EYA2: variants seen among roughly 807,000 people sequenced by gnomAD.
EYA2 encodes the protein protein phosphatase EYA2.
In EYA2, 31 loss-of-function variants were observed where a neutral mutation model predicts 69.2. That is an observed-to-expected ratio of 0.45 (90% CI 0.34 to 0.60). The LOEUF is 0.60. Among genes scored for constraint, EYA2 ranks in the 20% least tolerant of loss-of-function variants. EYA2 has a pLI of 0.02. For missense variants in EYA2, 622 were observed against 701.2 expected (o/e 0.89, Z 1.28); for synonymous variants, 257 against 279.4 (o/e 0.92, Z 0.80).
At chr20:47,142,064 G>T (rs112352839) in intron 9 of EYA2, among the ~76,000 whole-genome samples, 1 of 152,140 alleles carries the variant, frequency 6.6e-6, no homozygotes, top group Non-Finnish European at 1.5e-5. Flanking sequence ...ATGTGTCAGC[G>T]GCTGGATGGT....
intron 10 of EYA2, among the ~76,000 whole-genome samples, chr20:47,158,777 G>T (rs1324758701): frequency 6.6e-6 from 1 of 151,826 alleles, no homozygotes; most frequent in Non-Finnish European, 1.5e-5. Context: ...GAGGAACACA[G>T]GATCCAACTG....
At chr20:46,918,687 T>G (rs1985041685) in intron 1 of EYA2, among the ~76,000 whole-genome samples, 1 of 152,184 alleles carries the variant, frequency 6.6e-6, no homozygotes, top group Admixed American at 6.5e-5. Flanking sequence ...AGAATCAACT[T>G]CTTCCAAACT....
At chr20:46,987,964 C>CTCTCTCTCTCTCTATATATATATATATA (rs1555809797) in intron 1 of EYA2, among the ~76,000 whole-genome samples, 1 of 11,282 alleles carries the variant, frequency 8.9e-5, no homozygotes, top group Non-Finnish European at 1.7e-4. Context: ...CTCTCTCTCT[C>CTCTCTCTCTCTCTATATATATATATATA]TATATATATA....
At position 46,973,798 on chromosome 20, in the gene EYA2, GA is replaced by G. The variant is rs11428493; in HGVS notation, c.-10-16191del. Among the ~76,000 whole-genome samples, 367 of 140,184 alleles carry G rather than the reference GA, an allele frequency of 2.6e-3. 3 individuals are homozygous for G. Among genetic ancestry groups the G allele is most frequent in the Middle Eastern group, 0.011 (3 of 272 alleles). The allele number at this position is 140,184 out of a possible 152,430, so 92.0% of individuals were successfully genotyped here. A position where few individuals can be genotyped will look rare whatever the true frequency, so the allele number is the denominator to read the frequency against. On this transcript the variant is annotated intron_variant, in intron 1 of 15. Coordinates refer to ENST00000327619, the MANE Select transcript of EYA2 (RefSeq NM_005244.5). ...AGCCGTCTGACCAAAAGAGAAGGAG[GA>G]AAAAAAAAAAACCCTCATCGTATGA...
intron 10 of EYA2, chr20:47,161,509 T>C: frequency 2.3e-6 from 1 of 443,450 alleles, no homozygotes; most frequent in Non-Finnish European, 4.4e-6. Context: ...TTGATCTTCA[T>C]GTCCTTGACC....
intron 10 of EYA2, among the ~76,000 whole-genome samples, chr20:47,151,623 C>G (rs1424205197): frequency 2.0e-5 from 3 of 151,994 alleles, no homozygotes; most frequent in Admixed American, 6.5e-5. Flanking sequence ...CTATGCACCT[C>G]TTAAATCTCT....
At chr20:47,051,970 T>G (rs936009665) in intron 5 of EYA2, among the ~76,000 whole-genome samples, 1 of 152,232 alleles carries the variant, frequency 6.6e-6, no homozygotes, top group Non-Finnish European at 1.5e-5. Context: ...TTCACTTTTT[T>G]CATTCAATGA....
chr20:47,004,653 G>A (rs754875201), intron 3 of EYA2, among the ~76,000 whole-genome samples: 8 of 152,270 alleles, frequency 5.3e-5, no homozygotes, highest in East Asian at 3.9e-4. Flanking sequence ...GGAGGGTTGC[G>A]GGGGATGTGT....
intron 1 of EYA2, among the ~76,000 whole-genome samples, chr20:46,959,648 ACACGCACGCACACG>A (rs1480445104): frequency 2.4e-5 from 2 of 82,264 alleles, no homozygotes; most frequent in East Asian, 3.1e-4. Context: ...ACATGCACGC[ACACGCACGCACACG>A]CACGCACGTA....
intron 5 of EYA2, among the ~76,000 whole-genome samples, chr20:47,065,929 C>T (rs781375107): frequency 9.2e-5 from 14 of 152,166 alleles, no homozygotes; most frequent in Non-Finnish European, 1.6e-4. Flanking sequence ...GTGTCAACAC[C>T]ATATCTAAAA....
chr20:46,899,848 A>G (rs1317005306), intron 1 of EYA2, among the ~76,000 whole-genome samples: 1 of 152,218 alleles, frequency 6.6e-6, no homozygotes, highest in Non-Finnish European at 1.5e-5. Flanking sequence ...CCTTTGGATG[A>G]TAGTAGTCAG....
chr20:47,173,517 A>G (rs895145078), intron 12 of EYA2, among the ~76,000 whole-genome samples: 5 of 145,610 alleles, frequency 3.4e-5, no homozygotes, highest in African/African-American at 1.4e-4. Flanking sequence ...CGTAAAAAAA[A>G]AAAAAAAAAA....
chr20:46,952,876 A>G (rs768140866), intron 1 of EYA2, among the ~76,000 whole-genome samples: 8 of 152,232 alleles, frequency 5.3e-5, no homozygotes, highest in Admixed American at 2.6e-4. Flanking sequence ...CTTAAGATGC[A>G]AAGTGAAGGT....
intron 6 of EYA2, among the ~76,000 whole-genome samples, chr20:47,072,760 C>G (rs1217234987): frequency 6.6e-6 from 1 of 152,172 alleles, no homozygotes; most frequent in African/African-American, 2.4e-5. Context: ...ATTAAGAGTT[C>G]GCATCTGCTC....
chr20:47,051,577 G>T (rs1455524465), intron 5 of EYA2, among the ~76,000 whole-genome samples: 2 of 152,200 alleles, frequency 1.3e-5, no homozygotes, highest in African/African-American at 4.8e-5. Context: ...CTCACCTCCT[G>T]CAAGTCTGTC....
chr20:46,903,371 C>T (rs964624052), intron 1 of EYA2, among the ~76,000 whole-genome samples: 2 of 152,196 alleles, frequency 1.3e-5, no homozygotes, highest in Admixed American at 6.5e-5. Flanking sequence ...CACCTGAAAC[C>T]GCACTAGGCA....
chr20:47,063,384 TGCGTGTGC>T (rs1252521848), intron 5 of EYA2, among the ~76,000 whole-genome samples: 6 of 123,176 alleles, frequency 4.9e-5, no homozygotes, highest in African/African-American at 2.1e-4. Flanking sequence ...TGTGTGTGTG[TGCGTGTGC>T]GTGTGTGTGT....
intron 15 of EYA2, 120 bp from the exon 16 acceptor site, chr20:47,187,933 G>A: frequency 4.0e-6 from 4 of 1,001,632 alleles, no homozygotes; most frequent in Non-Finnish European, 6.0e-6. Context: ...CCCATAGTTT[G>A]GGAAGTCCCC....
intron 12 of EYA2, among the ~76,000 whole-genome samples, chr20:47,175,372 T>TTA (rs1002878435): frequency 2.0e-5 from 3 of 152,218 alleles, no homozygotes; most frequent in African/African-American, 7.2e-5. Flanking sequence ...CTTAGCCTGA[T>TTA]GTCATCCTTC....
Sources: gnomAD v4.1 joint callset for allele counts (sites outside exome capture counted in the v4.1 genomes callset) on GRCh38, gnomAD v4.1.1 for gene constraint, MANE v1.5 for transcripts, NCBI Gene and HGNC (gene_info 2026-07-23, HGNC 2026-07-21) for gene names.